Variants in SLCO6A1 observed in about 807,000 individuals in gnomAD.
The protein encoded by SLCO6A1 is cancer/testis antigen 48.
Under a neutral mutation model 72.7 loss-of-function variants are expected in SLCO6A1, and 65 were observed. That is an observed-to-expected ratio of 0.89 (90% CI 0.73 to 1.10). SLCO6A1 has a LOEUF of 1.10. Ranked by LOEUF, SLCO6A1 falls within the 50% of genes least tolerant of loss-of-function variation. The probability of loss-of-function intolerance (pLI) is 0.00; values close to 1 mark genes in which losing one functional copy is unlikely to be tolerated. For synonymous variants in SLCO6A1, 314 were observed against 298.2 expected (o/e 1.05, Z -0.55); for missense variants, 874 against 872.6 (o/e 1.00, Z -0.02).
chr5:102,475,761 C>T lies in SLCO6A1; in HGVS notation c.835G>A (p.Ala279Thr), dbSNP rs762160102. ...GGTGCTCCTAGCACATAACCCAGAG[C>T]ATATCCAATCATTGATGTACATTCT... ...IAECTSMIGY[A>T]LGYVLGAPLV... Residue 279 changes from alanine to threonine, a missense_variant, in exon 4 of 14, where the codon GCT (alanine) becomes ACT (threonine). Transcript: ENST00000506729. The T allele has an allele frequency of 1.4e-5, 23 of 1,608,978 alleles. No individual in the cohort carries two copies. In the East Asian group the frequency reaches 4.2e-4, roughly 30 times the overall value.
intron 6 of SLCO6A1, among the ~76,000 whole-genome samples, chr5:102,440,768 T>C (rs1749791829): frequency 6.6e-6 from 1 of 152,228 alleles, no homozygotes; most frequent in Admixed American, 6.5e-5. Flanking sequence ...TAGTTTATTA[T>C]GCAGAAGTAG....
chr5:102,438,549 G>A (rs1431656674), intron 7 of SLCO6A1, 68 bp downstream of exon 7: 1 of 1,216,056 alleles, frequency 8.2e-7, no homozygotes, highest in Non-Finnish European at 1.1e-6. Flanking sequence ...TTTATTTCAA[G>A]TATTTCATAA....
At chr5:102,466,851 A>G (rs1401479454) in intron 4 of SLCO6A1, among the ~76,000 whole-genome samples, 2 of 152,120 alleles carry the variant, frequency 1.3e-5, no homozygotes, top group East Asian at 1.9e-4. Flanking sequence ...TCCTTTGCCT[A>G]CTTTTTAATG....
At chr5:102,434,043 T>A (rs1367496948) in intron 7 of SLCO6A1, among the ~76,000 whole-genome samples, 1 of 152,060 alleles carries the variant, frequency 6.6e-6, no homozygotes, top group Non-Finnish European at 1.5e-5. Flanking sequence ...TAACATATAT[T>A]GAAATTTTTT....
At chr5:102,431,936 T>G (rs1749241824) in intron 7 of SLCO6A1, among the ~76,000 whole-genome samples, 1 of 152,214 alleles carries the variant, frequency 6.6e-6, no homozygotes, top group African/African-American at 2.4e-5. Context: ...TGCAGATATA[T>G]TTAGGATAGT....
In SLCO6A1 at chr5:102,477,854, G is replaced by T; in HGVS notation, c.624C>A (p.Cys208Ter). ...AACCACTGACAACCTTTATTTCTTC[G>T]CAAATATCTTTTGAAAATACAATGA... is the stretch of plus-strand genomic sequence containing the variant. The part of the protein sequence containing the change: ...KQSKVGIEDI[C>*]EEIKVVSGCQ... Residue 208 changes from cysteine to a stop codon, truncating the protein, a stop_gained, in exon 3 of 14, where the codon TGC becomes TGA. Transcript: ENST00000506729. LOFTEE classifies it high-confidence loss of function. The T allele has an allele frequency of 3.8e-6, 6 of 1,582,164 alleles. No homozygotes were observed. The highest frequency in any genetic ancestry group is 4.3e-6 in the Non-Finnish European group (5 of 1,162,468).
intron 9 of SLCO6A1, among the ~76,000 whole-genome samples, chr5:102,410,066 T>A (rs974381711): frequency 1.3e-5 from 2 of 152,154 alleles, no homozygotes; most frequent in Admixed American, 6.5e-5. Context: ...TCTTATCCTG[T>A]GTCCAGGAAG....
chr5:102,457,013 A>G (rs1338038211), intron 6 of SLCO6A1, among the ~76,000 whole-genome samples: 3 of 152,198 alleles, frequency 2.0e-5, no homozygotes, highest in Non-Finnish European at 4.4e-5. Context: ...AGGATTCCCT[A>G]TTTAATAAAT....
chr5:102,420,540 G>A (rs56268211), intron 7 of SLCO6A1, among the ~76,000 whole-genome samples: 28,436 of 151,938 alleles, frequency 0.19, 3,513 homozygotes, highest in Non-Finnish European at 0.24. Flanking sequence ...TTCTATCCAA[G>A]AGTAAGGAAT....
chr5:102,459,143 C>T (rs895364148), intron 5 of SLCO6A1, among the ~76,000 whole-genome samples: 8 of 152,042 alleles, frequency 5.3e-5, no homozygotes, highest in African/African-American at 1.2e-4. Flanking sequence ...GGTGTGGTGG[C>T]CTACACCTGT....
chr5:102,493,337 T>C (rs1752769357), intron 1 of SLCO6A1, among the ~76,000 whole-genome samples: 1 of 152,170 alleles, frequency 6.6e-6, no homozygotes, highest in Admixed American at 6.5e-5. Context: ...ATGCAAGGTT[T>C]GTCAAATATC....
chr5:102,497,699 C>T (rs1019396973), intron 1 of SLCO6A1, among the ~76,000 whole-genome samples: 2 of 152,330 alleles, frequency 1.3e-5, no homozygotes, highest in South Asian at 2.1e-4. Context: ...CATTCCTGGG[C>T]TTAGGCCGAA....
At chr5:102,439,192 T>C (rs537568209) in intron 6 of SLCO6A1, among the ~76,000 whole-genome samples, 2 of 152,126 alleles carry the variant, frequency 1.3e-5, no homozygotes, top group South Asian at 4.1e-4. Context: ...TAAGCAATAC[T>C]CAAGAAAAAC....
rs573125785 is a variant in SLCO6A1, at chr5:102,413,737, A to G, written c.1473-594T>C. Among the ~76,000 whole-genome samples the G allele has an allele frequency of 4.0e-4, 61 of 152,314 alleles. No homozygotes were observed. In the South Asian group the frequency reaches 0.012, roughly 31 times the overall value. ...TATTTTACATTTCCATCAGCAGTGTATAAGAGTTTCGTTTGTTCTCCTCAC... is the reference window on the plus strand; with the variant it reads ...TATTTTACATTTCCATCAGCAGTGTGTAAGAGTTTCGTTTGTTCTCCTCAC... On this transcript the variant is annotated intron_variant, in intron 8 of 13. Transcript: ENST00000506729.
intron 7 of SLCO6A1, among the ~76,000 whole-genome samples, chr5:102,433,802 T>C (rs140420275): frequency 3.0e-3 from 457 of 152,228 alleles, no homozygotes; most frequent in Non-Finnish European, 4.5e-3. Flanking sequence ...GGCAGGGTGC[T>C]GGCAGGTACT....
At chr5:102,476,546 G>T (rs1751910224) in intron 3 of SLCO6A1, among the ~76,000 whole-genome samples, 1 of 152,070 alleles carries the variant, frequency 6.6e-6, no homozygotes, top group Non-Finnish European at 1.5e-5. Flanking sequence ...AAAACATCTG[G>T]AGTAGTGTTT....
chr5:102,436,803 CA>C (rs2112673589), intron 7 of SLCO6A1, among the ~76,000 whole-genome samples: 1 of 152,288 alleles, frequency 6.6e-6, no homozygotes, highest in South Asian at 2.1e-4. Flanking sequence ...GCCATCTTGT[CA>C]AAACCAAAGT....
At chr5:102,412,750 G>T (rs778637676) in intron 9 of SLCO6A1, among the ~76,000 whole-genome samples, 2 of 149,878 alleles carry the variant, frequency 1.3e-5, no homozygotes, top group Non-Finnish European at 3.0e-5. Flanking sequence ...GACAGAGTCA[G>T]ATCTTGTCTC....
chr5:102,373,438 T>G lies in SLCO6A1; in HGVS notation c.2074A>C (p.Lys692Gln), dbSNP rs369430600. The change falls in exon 13 of 14, where the codon AAA becomes CAA. Residue 692 changes from lysine (K) to glutamine (Q), a missense_variant. Lys to Gln is a moderately conservative substitution (Grantham distance 53). Transcript: ENST00000506729. ...IFTTIAFFIY[K>Q]RRLNENTDFP... ...TCAGTGTTCTCATTTAGACGACGTT[T>G]GTATATGAAAAATGCAATAGTAGTG... The G allele has an allele frequency of 5.1e-6, 8 of 1,576,138 alleles. No homozygotes were observed. Among genetic ancestry groups the G allele is most frequent in the Non-Finnish European group, 6.9e-6 (8 of 1,164,110 alleles).
Sources: gnomAD v4.1 joint callset for allele counts (sites outside exome capture counted in the v4.1 genomes callset) on GRCh38, gnomAD v4.1.1 for gene constraint, MANE v1.5 for transcripts, NCBI Gene and HGNC (gene_info 2026-07-23, HGNC 2026-07-21) for gene names.